CNTN4: variants seen among roughly 807,000 people sequenced by gnomAD.
CNTN4 encodes contactin-4.
Under a neutral mutation model 122.5 loss-of-function variants are expected in CNTN4, and 77 were observed. The observed-to-expected ratio is 0.63, with a 90% CI of 0.52 to 0.76. The LOEUF (loss-of-function observed/expected upper bound fraction) is 0.76. CNTN4 is among the 30% of genes least tolerant of loss of function. The pLI is 0.00. For missense variants in CNTN4, 1,256 were observed against 1,259.1 expected, an observed-to-expected ratio of 1.00 and a Z score of 0.04; for synonymous variants, 512 against 447.0, an observed-to-expected ratio of 1.15 and a Z score of -1.83.
intron 4 of CNTN4, among the ~76,000 whole-genome samples, chr3:2,614,961 C>T (rs1015177459): frequency 1.3e-5 from 2 of 152,064 alleles, no homozygotes; most frequent in Admixed American, 6.6e-5. Context: ...TTTATTGAAA[C>T]ATTTGTCTTG....
chr3:2,905,938 ACTC>A (rs1295745644), intron 12 of CNTN4, among the ~76,000 whole-genome samples: 2 of 152,292 alleles, frequency 1.3e-5, no homozygotes, highest in Non-Finnish European at 2.9e-5. Flanking sequence ...AAAGCTGTTG[ACTC>A]CTCAGTGGAT....
In CNTN4 at chr3:2,891,721, G is replaced by A. The variant is rs983688971; in HGVS notation, c.940+4497G>A. On this transcript the variant is annotated intron_variant, in intron 10 of 24. Coordinates refer to ENST00000418658, the MANE Select transcript of CNTN4 (RefSeq NM_175607.3). ...AAATCATAGTGAGCAAGGGGCAAAG[G>A]TTTGAAACTTGGGAAGGTGACAGAC... Among the ~76,000 whole-genome samples the A allele has an allele frequency of 5.3e-5, 8 of 152,300 alleles. 1 individual carries two copies. Among genetic ancestry groups the A allele is most frequent in the East Asian group, 3.9e-4 (2 of 5,164 alleles).
chr3:2,878,133 G>T (rs188879177), intron 8 of CNTN4, among the ~76,000 whole-genome samples: 1 of 152,186 alleles, frequency 6.6e-6, no homozygotes, highest in East Asian at 1.9e-4. Flanking sequence ...CTGTACTACT[G>T]CCATATATAC....
intron 5 of CNTN4, among the ~76,000 whole-genome samples, chr3:2,739,731 G>A (rs142122477): frequency 4.7e-4 from 71 of 152,188 alleles, no homozygotes; most frequent in Non-Finnish European, 7.9e-4. Flanking sequence ...TGGCAAGGAA[G>A]CCTTCATAAG....
rs2086210334 is a variant in CNTN4 at position 2,699,089 on chromosome 3, AT to A, written c.56-37124del. On this transcript the variant is annotated intron_variant, in intron 4 of 24. Coordinates refer to ENST00000418658, the MANE Select transcript of CNTN4 (RefSeq NM_175607.3). Reference sequence around the variant, plus strand: ...ACCTGTCCCAGGTATTTTATTTCTAATTGGGAGACTAGCTTAATGCTTGGAA... The same window carrying A: ...ACCTGTCCCAGGTATTTTATTTCTAATGGGAGACTAGCTTAATGCTTGGAA... Among the ~76,000 whole-genome samples the A allele has an allele frequency of 2.0e-5, 3 of 152,172 alleles. No homozygotes were observed. The East Asian group carries it at 5.8e-4, about 29-fold the overall frequency.
intron 3 of CNTN4, among the ~76,000 whole-genome samples, chr3:2,387,857 G>C (rs1291778991): frequency 2.6e-5 from 4 of 152,144 alleles, no homozygotes. Flanking sequence ...ACAAAGAGCT[G>C]GTCTTCCCAA....
chr3:2,700,982 A>G (rs1291614966), intron 4 of CNTN4, among the ~76,000 whole-genome samples: 1 of 152,058 alleles, frequency 6.6e-6, no homozygotes, highest in African/African-American at 2.4e-5. Context: ...AGTGGTTGAG[A>G]TGTGGGATCA....
chr3:3,032,964 G>A (rs1384978714), intron 16 of CNTN4, among the ~76,000 whole-genome samples: 1 of 152,110 alleles, frequency 6.6e-6, no homozygotes, highest in Non-Finnish European at 1.5e-5. Context: ...ACAAATCCAG[G>A]AAACTACCAT....
chr3:2,573,892 A>T (rs1282627964), intron 4 of CNTN4, among the ~76,000 whole-genome samples: 2 of 152,182 alleles, frequency 1.3e-5, no homozygotes. Flanking sequence ...ATTAATTTAC[A>T]TAGCACTCCA....
At chr3:2,564,455 A>G (rs1451327070) in intron 3 of CNTN4, among the ~76,000 whole-genome samples, 1 of 152,170 alleles carries the variant, frequency 6.6e-6, no homozygotes, top group African/African-American at 2.4e-5. Flanking sequence ...ACAAGCCTCA[A>G]ATGGCTCTAG....
At chr3:2,558,304 T>C (rs548700705) in intron 3 of CNTN4, among the ~76,000 whole-genome samples, 76 of 152,302 alleles carry the variant, frequency 5.0e-4, no homozygotes, top group Non-Finnish European at 9.1e-4. Flanking sequence ...TTTTCCATAA[T>C]GTCCAGGCTG....
chr3:2,660,858 A>G (rs1197129045), intron 4 of CNTN4, among the ~76,000 whole-genome samples: 1 of 152,224 alleles, frequency 6.6e-6, no homozygotes, highest in Non-Finnish European at 1.5e-5. Flanking sequence ...AGGCAATTTA[A>G]TCCCACCTTT....
rs990708526 is a variant in CNTN4 at position 2,330,621 on chromosome 3, A to G, written c.-144-8557A>G. Among the ~76,000 whole-genome samples, 19 of 144,518 alleles carry G rather than the reference A, an allele frequency of 1.3e-4. 2 individuals are homozygous for G. In the East Asian group the frequency reaches 3.5e-3, roughly 27 times the overall value. The allele number at this position is 144,518 out of a possible 152,430, so 94.8% of individuals were successfully genotyped here. A position where few individuals can be genotyped will look rare whatever the true frequency, so the allele number is the denominator to read the frequency against. ...TCTTAATTTTATAAGGGAGGCATTT[A>G]TAAGACACAGAGAATCTAAGTAATT... is the stretch of plus-strand genomic sequence containing the variant. On this transcript the variant is annotated intron_variant, in intron 2 of 24. Transcript: ENST00000418658.
At chr3:2,873,245 C>T (rs965066546) in intron 8 of CNTN4, among the ~76,000 whole-genome samples, 27 of 152,184 alleles carry the variant, frequency 1.8e-4, no homozygotes, top group African/African-American at 5.8e-4. Flanking sequence ...GTTTCTTCTT[C>T]TTGTCTTCAA....
chr3:2,758,412 A>G lies in CNTN4; in HGVS notation c.358+12715A>G, dbSNP rs143467538. On this transcript the variant is annotated intron_variant, in intron 6 of 24. Coordinates refer to ENST00000418658, the MANE Select transcript of CNTN4 (RefSeq NM_175607.3). ...CTTAAACAAAGAAATAGAATATTCT[A>G]TTAGGAAGAGCCCTCCAATAAAGGT... 8.4e-3 allele frequency among the ~76,000 whole-genome samples: 1,275 copies of G among 152,212 alleles called. 15 individuals carry two copies. The highest frequency in any genetic ancestry group is 0.028 in the African/African-American group (1,161 of 41,536).
At chr3:2,605,584 A>G (rs908344661) in intron 4 of CNTN4, among the ~76,000 whole-genome samples, 2 of 152,178 alleles carry the variant, frequency 1.3e-5, no homozygotes, top group Non-Finnish European at 2.9e-5. Context: ...TATTGCAGCA[A>G]TCGATGTAAG....
intron 7 of CNTN4, among the ~76,000 whole-genome samples, chr3:2,837,904 A>G (rs2093263644): frequency 1.3e-5 from 2 of 152,188 alleles, no homozygotes; most frequent in South Asian, 4.1e-4. Flanking sequence ...TTTATTTTCA[A>G]CAAAGTCCCA....
At chr3:2,567,637 C>T (rs532621428) in intron 3 of CNTN4, among the ~76,000 whole-genome samples, 1 of 152,298 alleles carries the variant, frequency 6.6e-6, no homozygotes, top group African/African-American at 2.4e-5. Flanking sequence ...ATGGACCACA[C>T]AGCTGGAGAG....
rs372523228 is a variant in CNTN4 at position 2,736,385 on chromosome 3, G to C, written c.182+44G>C. ...ATGTGTTTCCATGCATATAGTTTCTGTTATTAAAATCAACAAATACTTATA... is the reference window on the plus strand; with the variant it reads ...ATGTGTTTCCATGCATATAGTTTCTCTTATTAAAATCAACAAATACTTATA... On this transcript the variant is annotated intron_variant, in intron 5 of 24. Coordinates refer to ENST00000418658, the MANE Select transcript of CNTN4 (RefSeq NM_175607.3). 8.2e-6 allele frequency: 13 copies of C among 1,579,254 alleles called. No individual in the cohort carries two copies. The African/African-American group carries it at 1.6e-4, about 20-fold the overall frequency.
Sources: gnomAD v4.1 joint callset for allele counts (sites outside exome capture counted in the v4.1 genomes callset) on GRCh38, gnomAD v4.1.1 for gene constraint, MANE v1.5 for transcripts, NCBI Gene and HGNC (gene_info 2026-07-23, HGNC 2026-07-21) for gene names.